Variants in SMG6 observed in about 807,000 individuals in gnomAD.
SMG6 encodes SMG6 nonsense mediated mRNA decay factor, also known as telomerase-binding protein EST1A.
Under a neutral mutation model 142.2 loss-of-function variants are expected in SMG6, and 66 were observed. The observed-to-expected ratio is 0.46, with a 90% CI of 0.38 to 0.57. The LOEUF is 0.57. SMG6 is among the 20% of genes least tolerant of loss of function. The pLI is 0.00. For synonymous variants in SMG6, 779 were observed against 702.4 expected, an observed-to-expected ratio of 1.11 and a Z score of -1.72; for missense variants, 1,793 against 1,832.0, an observed-to-expected ratio of 0.98 and a Z score of 0.39.
intron 8 of SMG6, among the ~76,000 whole-genome samples, chr17:2,256,667 T>C (rs1245859359): frequency 6.6e-6 from 1 of 152,132 alleles, no homozygotes; most frequent in Non-Finnish European, 1.5e-5. Flanking sequence ...TCTAGCTACT[T>C]GTGAGGCTTA....
chr17:2,298,423 T>G (rs1342168419), intron 2 of SMG6, among the ~76,000 whole-genome samples: 1 of 152,176 alleles, frequency 6.6e-6, no homozygotes, highest in Non-Finnish European at 1.5e-5. Context: ...TAATTATTTC[T>G]AAGACTAGAA....
At position 2,087,334 on chromosome 17, in the gene SMG6, G is replaced by C. The variant is rs1448706161; in HGVS notation, c.3358-1433C>G. The C allele has an allele frequency of 5.8e-6, 7 of 1,210,420 alleles. No individual in the cohort carries two copies. The African/African-American group carries it at 6.3e-5, about 11-fold the overall frequency. 75.0% of individuals were successfully genotyped at this position (1,210,420 alleles called of 1,614,324 possible). On this transcript the variant is annotated intron_variant, in intron 13 of 18. Transcript: ENST00000263073. ...GGAAATAAATGAGCACCGCTGTGCA[G>C]GCTGGCTGCCCAGGAAAGTGCGGCA...
intron 10 of SMG6, among the ~76,000 whole-genome samples, chr17:2,233,824 G>A (rs1043910258): frequency 2.0e-5 from 3 of 152,074 alleles, no homozygotes; most frequent in African/African-American, 4.8e-5. Context: ...CACTCTGCTC[G>A]CCCCTGTCCC....
At chr17:2,257,374 G>A (rs867511243) in intron 8 of SMG6, among the ~76,000 whole-genome samples, 3 of 152,054 alleles carry the variant, frequency 2.0e-5, no homozygotes, top group Non-Finnish European at 2.9e-5. Context: ...CACTGCGCCC[G>A]GCCAAAAGAA....
At chr17:2,110,474 C>T (rs1010605628) in intron 13 of SMG6, among the ~76,000 whole-genome samples, 2 of 152,086 alleles carry the variant, frequency 1.3e-5, no homozygotes, top group African/African-American at 4.8e-5. Flanking sequence ...CTATGACACA[C>T]GCACACGCAC....
intron 10 of SMG6, among the ~76,000 whole-genome samples, chr17:2,226,143 C>T (rs1319928686): frequency 4.0e-5 from 6 of 151,588 alleles, no homozygotes; most frequent in South Asian, 4.2e-4. Context: ...GGTGTGGTGG[C>T]GCATGCCTGT....
chr17:2,081,715 T>TA, intron 15 of SMG6, 95 bp downstream of exon 15: 1 of 1,414,624 alleles, frequency 7.1e-7, no homozygotes, highest in Non-Finnish European at 9.8e-7. Context: ...GACTCACTCT[T>TA]AGTGTCCTGC....
intron 13 of SMG6, among the ~76,000 whole-genome samples, chr17:2,112,980 C>T (rs1019198919): frequency 6.6e-6 from 1 of 151,982 alleles, no homozygotes; most frequent in African/African-American, 2.4e-5. Flanking sequence ...CTGGTCTTGA[C>T]CTCCTGAGCT....
chr17:2,110,185 G>A (rs754751018), intron 13 of SMG6, among the ~76,000 whole-genome samples: 22 of 151,986 alleles, frequency 1.4e-4, no homozygotes, highest in Non-Finnish European at 2.8e-4. Context: ...AGTACCAAAG[G>A]AGTTCAATGA....
At position 2,083,097 on chromosome 17, in the gene SMG6, C is replaced by T. The variant is rs549384189; in HGVS notation, c.3535-1141G>A. On this transcript the variant is annotated intron_variant, in intron 14 of 18. Coordinates refer to ENST00000263073, the MANE Select transcript of SMG6 (RefSeq NM_017575.5). ...ATTGAAGCCCAAGTGAATCTGACTC[C>T]AAAGTTTATGCTCTTACCAATAATA... 1.0e-3 allele frequency among the ~76,000 whole-genome samples: 159 copies of T among 152,278 alleles called. 1 individual carries two copies. Among genetic ancestry groups the T allele is most frequent in the Middle Eastern group, 3.4e-3 (1 of 294 alleles).
At chr17:2,231,554 A>C (rs889819249) in intron 10 of SMG6, among the ~76,000 whole-genome samples, 1 of 152,016 alleles carries the variant, frequency 6.6e-6, no homozygotes, top group East Asian at 1.9e-4. Flanking sequence ...AAACTTAGCC[A>C]GGCGTGGTGG....
chr17:2,267,629 C>G (rs781276554), intron 8 of SMG6, among the ~76,000 whole-genome samples: 2 of 152,104 alleles, frequency 1.3e-5, no homozygotes, highest in Admixed American at 6.5e-5. Flanking sequence ...AGTGCAGAGA[C>G]TCAACTATTC....
At chr17:2,258,062 C>CACACACACATATATATAT (rs1555567108) in intron 8 of SMG6, among the ~76,000 whole-genome samples, 3 of 120,314 alleles carry the variant, frequency 2.5e-5, no homozygotes, top group African/African-American at 9.1e-5. Context: ...CACACACACA[C>CACACACACATATATATAT]ACACATATAT....
At chr17:2,262,955 T>C (rs1403771178) in intron 8 of SMG6, among the ~76,000 whole-genome samples, 2 of 152,084 alleles carry the variant, frequency 1.3e-5, no homozygotes, top group African/African-American at 4.8e-5. Context: ...AGAAAAAATA[T>C]CTATATAAAA....
At chr17:2,164,556 C>T (rs961337234) in intron 13 of SMG6, among the ~76,000 whole-genome samples, 5 of 151,924 alleles carry the variant, frequency 3.3e-5, no homozygotes, top group South Asian at 2.1e-4. Context: ...TGCAGCGTGC[C>T]GAGATCGCGC....
intron 13 of SMG6, among the ~76,000 whole-genome samples, chr17:2,149,175 C>A (rs2070753248): frequency 1.3e-5 from 2 of 151,710 alleles, no homozygotes; most frequent in South Asian, 4.2e-4. Flanking sequence ...CATGGCGAAA[C>A]CCTGTCTCTA....
At chr17:2,110,358 T>C (rs1488530030) in intron 13 of SMG6, among the ~76,000 whole-genome samples, 4 of 151,952 alleles carry the variant, frequency 2.6e-5, no homozygotes, top group Non-Finnish European at 4.4e-5. Flanking sequence ...CTGTTGCGAG[T>C]TTCTGGTATG....
chr17:2,100,351 T>C (rs1461010484), intron 13 of SMG6, among the ~76,000 whole-genome samples: 1 of 152,196 alleles, frequency 6.6e-6, no homozygotes, highest in Non-Finnish European at 1.5e-5. Flanking sequence ...CTTTGTATTT[T>C]TTTTAGAGAT....
intron 12 of SMG6, among the ~76,000 whole-genome samples, chr17:2,185,517 G>C (rs557849081): frequency 1.3e-5 from 2 of 151,514 alleles, no homozygotes; most frequent in East Asian, 3.9e-4. Flanking sequence ...AAAAGAAAAA[G>C]GTATACAAAC....
Sources: gnomAD v4.1 joint callset for allele counts (sites outside exome capture counted in the v4.1 genomes callset) on GRCh38, gnomAD v4.1.1 for gene constraint, MANE v1.5 for transcripts, NCBI Gene and HGNC (gene_info 2026-07-23, HGNC 2026-07-21) for gene names.